ZNF638: variants seen among roughly 807,000 people sequenced by gnomAD.
ZNF638 encodes zinc finger protein 638, also known as CTCL tumor antigen se33-1.
Under a neutral mutation model 195.6 loss-of-function variants are expected in ZNF638, and 46 were observed. That is an observed-to-expected ratio of 0.24 (90% confidence interval 0.19 to 0.30). The LOEUF (loss-of-function observed/expected upper bound fraction) is 0.30, where lower values mean the gene tolerates loss of function less well. Ranked by LOEUF, ZNF638 falls within the 10% of genes least tolerant of loss-of-function variation. ZNF638 has a pLI of 1.00. For synonymous variants in ZNF638, 845 were observed against 772.0 expected (o/e 1.09, Z -1.57); for missense variants, 2,440 against 2,325.3 (o/e 1.05, Z -1.01).
chr2:71,389,065 A>G (rs1360967138), intron 10 of ZNF638, among the ~76,000 whole-genome samples: 1 of 152,148 alleles, frequency 6.6e-6, no homozygotes, highest in East Asian at 1.9e-4. Context: ...GCCCTGCTGT[A>G]CACAGAAGAT....
In ZNF638 at chr2:71,427,186, A is replaced by C. The variant is rs771687255; in HGVS notation, c.5317A>C (p.Asn1773His). The C allele has an allele frequency of 7.4e-6, 12 of 1,611,882 alleles. No individual in the cohort carries two copies. The East Asian group carries it at 2.7e-4, about 36-fold the overall frequency. Reference protein sequence around the residue: ...ADFNNLKEELNFVTVDEVGEE... With the variant: ...ADFNNLKEELHFVTVDEVGEE... Reference sequence around the variant, plus strand: ...TTTTAACAACCTTAAAGAAGAGCTTAATTTTGTTACTGTTGATGAAGTTGG... The same window carrying C: ...TTTTAACAACCTTAAAGAAGAGCTTCATTTTGTTACTGTTGATGAAGTTGG... Residue 1773 changes from asparagine (N) to histidine (H), a missense_variant, in exon 24 of 28, where the codon AAT becomes CAT. Asn to His is a moderately conservative substitution (Grantham distance 68). Around this residue, in one of 5 missense-constraint regions of ZNF638, gnomAD observed 1,883 missense variants for 1,739.1 expected, o/e 1.08. Coordinates refer to ENST00000264447, the MANE Select transcript of ZNF638 (RefSeq NM_014497.5).
chr2:71,434,378 C>T (rs546619616), intron 27 of ZNF638, among the ~76,000 whole-genome samples: 6 of 152,164 alleles, frequency 3.9e-5, no homozygotes, highest in Non-Finnish European at 7.3e-5. Flanking sequence ...AGTAGAACCC[C>T]CAAAAAAGTT....
chr2:71,407,158 G>C (rs973271722), intron 19 of ZNF638: 6 of 152,078 alleles, frequency 3.9e-5, no homozygotes, highest in African/African-American at 1.2e-4. Context: ...TAGAAAGGCA[G>C]GGTTTTACAT....
At chr2:71,393,921 A>G (rs1450694575) in intron 10 of ZNF638, among the ~76,000 whole-genome samples, 6 of 152,300 alleles carry the variant, frequency 3.9e-5, no homozygotes, top group East Asian at 3.9e-4. Flanking sequence ...TAAGGTTACT[A>G]TGTACCTGCC....
intron 1 of ZNF638, chr2:71,334,475 C>T (rs1230973522): frequency 6.6e-6 from 1 of 152,044 alleles, no homozygotes; most frequent in Non-Finnish European, 1.5e-5. Context: ...AGCTTATCTA[C>T]TCTTAATTGC....
intron 10 of ZNF638, among the ~76,000 whole-genome samples, chr2:71,384,985 T>C (rs2079608177): frequency 3.3e-5 from 5 of 152,134 alleles, no homozygotes; most frequent in Admixed American, 3.3e-4. Context: ...GAAAGCAATA[T>C]CGATTTCAGC....
chr2:71,375,139 T>C (rs527692401), intron 8 of ZNF638: 2 of 152,382 alleles, frequency 1.3e-5, no homozygotes, highest in African/African-American at 4.8e-5. Context: ...TCCTAGTTTA[T>C]ACCTGCTACA....
chr2:71,381,954 TGA>T (rs1249817263), intron 10 of ZNF638, among the ~76,000 whole-genome samples: 2 of 152,090 alleles, frequency 1.3e-5, no homozygotes, highest in Non-Finnish European at 2.9e-5. Flanking sequence ...AAAATCCCAC[TGA>T]GAAAAAACAG....
intron 10 of ZNF638, chr2:71,393,410 A>G: frequency 2.8e-6 from 2 of 718,852 alleles, no homozygotes; most frequent in Non-Finnish European, 5.2e-6. Flanking sequence ...TTTGGATTCC[A>G]GTACGATGCA....
In ZNF638 at chr2:71,368,514, C is replaced by T; in HGVS notation, c.2128C>T (p.Pro710Ser). 1 of 1,612,136 alleles carries T rather than the reference C, an allele frequency of 6.2e-7. No homozygotes were observed. Among genetic ancestry groups the T allele is most frequent in the Non-Finnish European group, 8.5e-7 (1 of 1,179,422 alleles). The stretch of plus-strand genomic sequence containing the variant: ...GAAAGTGAATGATGTCCTAATTGTT[C>T]CATATAGAAAAGAGGTGAGTCATTT... ...FGKVNDVLIV[P>S]YRKEAYLEME... is the part of the protein sequence containing the mutation. Residue 710 changes from proline to serine, a missense_variant, in exon 7 of 28, where the codon CCA becomes TCA. Coordinates refer to ENST00000264447, the MANE Select transcript of ZNF638 (RefSeq NM_014497.5).
At chr2:71,418,565 T>A in intron 20 of ZNF638, 37 bp from the exon 21 acceptor site, 1 of 1,409,360 alleles carries the variant, frequency 7.1e-7, no homozygotes, top group African/African-American at 1.5e-5. Context: ...TCAAATCCAG[T>A]GGAATAGCCT....
rs1306002319 is a variant in ZNF638, at chr2:71,423,767, C to T, written c.4253C>T (p.Pro1418Leu). 2 of 1,613,780 alleles carry T rather than the reference C, an allele frequency of 1.2e-6. No individual in the cohort carries two copies. Among genetic ancestry groups the T allele is most frequent in the African/African-American group, 2.7e-5 (2 of 74,914 alleles). ...VSKTENQKSF[P>L]KSVPRDQINA... ...AAAACTGAAAATCAGAAAAGTTTTC[C>T]AAAATCTGTGCCCAGAGATCAAATA... is the stretch of plus-strand genomic sequence containing the variant. Residue 1418 changes from proline (P) to leucine (L), a missense_variant, in exon 22 of 28, where the codon CCA becomes CTA. This residue lies in a region of ZNF638 where 1,883 missense variants were observed against 1,739.1 expected (regional missense o/e 1.08). Coordinates refer to ENST00000264447, the MANE Select transcript of ZNF638 (RefSeq NM_014497.5).
At chr2:71,334,877 C>T (rs1179562649) in intron 1 of ZNF638, among the ~76,000 whole-genome samples, 2 of 151,176 alleles carry the variant, frequency 1.3e-5, no homozygotes, top group African/African-American at 4.9e-5. Flanking sequence ...GCCGAGATTG[C>T]GCCACTGCAC....
chr2:71,374,562 G>A (rs998038602), intron 8 of ZNF638, among the ~76,000 whole-genome samples: 10 of 152,084 alleles, frequency 6.6e-5, no homozygotes, highest in African/African-American at 2.4e-4. Flanking sequence ...AAAACTTACT[G>A]GAATTTAATT....
intron 11 of ZNF638, among the ~76,000 whole-genome samples, chr2:71,396,639 A>T (rs1406399820): frequency 6.6e-6 from 1 of 152,184 alleles, no homozygotes; most frequent in African/African-American, 2.4e-5. Context: ...GTGGATAGAA[A>T]TCAATGTATT....
At chr2:71,347,870 T>C (rs1395981998) in intron 1 of ZNF638, among the ~76,000 whole-genome samples, 1 of 152,202 alleles carries the variant, frequency 6.6e-6, no homozygotes, top group Non-Finnish European at 1.5e-5. Flanking sequence ...TGAATACAAA[T>C]CTCAGCACAG....
intron 10 of ZNF638, among the ~76,000 whole-genome samples, chr2:71,394,846 G>A (rs896651234): frequency 3.4e-5 from 5 of 145,116 alleles, no homozygotes; most frequent in African/African-American, 1.1e-4. Context: ...TTACAGCAGG[G>A]TACAAATCAA....
chr2:71,381,451 C>G (rs1002118263), intron 10 of ZNF638, among the ~76,000 whole-genome samples: 14 of 151,984 alleles, frequency 9.2e-5, no homozygotes, highest in South Asian at 2.1e-4. Context: ...GAAGGCAGTA[C>G]ATTTTGATTA....
chr2:71,344,062 G>A (rs188516357), intron 1 of ZNF638, among the ~76,000 whole-genome samples: 10 of 152,268 alleles, frequency 6.6e-5, no homozygotes, highest in South Asian at 2.1e-4. Flanking sequence ...CCTGGGAAGC[G>A]GAGGTTGCAG....
Sources: gnomAD v4.1 joint callset for allele counts (sites outside exome capture counted in the v4.1 genomes callset) on GRCh38, gnomAD v4.1.1 for gene constraint, gnomAD v4.1.1 regional missense constraint, MANE v1.5 for transcripts, NCBI Gene and HGNC (gene_info 2026-07-23, HGNC 2026-07-21) for gene names.